The following ATP2B2 variants were observed in gnomAD, a reference collection of about 807,000 sequenced individuals.
ATP2B2 encodes the protein plasma membrane calcium-transporting ATPase 2.
In ATP2B2, 15 loss-of-function variants were observed where a neutral mutation model predicts 120.0. That is an observed-to-expected ratio of 0.12 (90% CI 0.08 to 0.19). The LOEUF is 0.19. ATP2B2 is among the 10% of genes least tolerant of loss of function. The pLI, the probability that ATP2B2 is intolerant of heterozygous loss-of-function variation, is 1.00. For missense variants in ATP2B2, 1,045 were observed against 1,719.8 expected (o/e 0.61, Z 6.94); for synonymous variants, 694 against 700.3 (o/e 0.99, Z 0.14).
chr3:10,464,305 G>C (rs1436632729), intron 1 of ATP2B2, among the ~76,000 whole-genome samples: 1 of 152,182 alleles, frequency 6.6e-6, no homozygotes, highest in Non-Finnish European at 1.5e-5. Context: ...AGCCATCTGC[G>C]CGGGGACAGA....
chr3:10,390,252 C>A (rs1404220356), intron 5 of ATP2B2, among the ~76,000 whole-genome samples: 4 of 152,050 alleles, frequency 2.6e-5, no homozygotes, highest in African/African-American at 9.7e-5. Flanking sequence ...CTGTTTTCAG[C>A]ATAACTTATC....
chr3:10,345,408 G>C lies in ATP2B2; in HGVS notation c.2679C>G (p.Ala893=). The C allele has an allele frequency of 6.2e-7, 1 of 1,614,200 alleles. No individual in the cohort carries two copies. Among genetic ancestry groups the C allele is most frequent in the South Asian group, 1.1e-5 (1 of 91,088 alleles). ...CCTGCGTGATGCAGGCGCCTGTGAA[G>C]GCCACAATCACGGCCACCACGTTGA... ...LTVNVVAVIV[A]FTGACITQDS... The change falls in exon 18 of 23, where the codon GCC becomes GCG. Residue 893 remains alanine, a synonymous_variant. Transcript: ENST00000360273.
rs1427516351 is a variant in ATP2B2 at position 10,325,222 on chromosome 3, CAG to C, written c.*3590_*3591del. ...CCAGAATTTGGGGGTGGGAATGGGACAGGGGGTGGAGGACTGGGCACAATTTA... is the reference window on the plus strand; with the variant it reads ...CCAGAATTTGGGGGTGGGAATGGGACGGGGTGGAGGACTGGGCACAATTTA... On this transcript the variant is annotated 3_prime_UTR_variant, in exon 23 of 23. Transcript: ENST00000360273. 6.6e-6 allele frequency: 1 copy of C among 150,940 alleles called. No homozygotes were observed. Among genetic ancestry groups the C allele is most frequent in the African/African-American group, 2.4e-5 (1 of 40,918 alleles). The allele number at this position is 150,940 out of a possible 1,614,324, so 9.4% of individuals were successfully genotyped here. A position where few individuals can be genotyped will look rare whatever the true frequency, so the allele number is the denominator to read the frequency against.
intron 2 of ATP2B2, among the ~76,000 whole-genome samples, chr3:10,606,149 T>C (rs2069059434): frequency 6.6e-6 from 1 of 151,546 alleles, no homozygotes; most frequent in Admixed American, 6.6e-5. Flanking sequence ...AAAAACAACC[T>C]AAGGACTCGG....
intron 1 of ATP2B2, among the ~76,000 whole-genome samples, chr3:10,658,076 T>A (rs6442189): frequency 6.6e-6 from 1 of 152,054 alleles, no homozygotes; most frequent in Non-Finnish European, 1.5e-5. Flanking sequence ...GAAAGGACAT[T>A]CACACCAAAA....
intron 1 of ATP2B2, among the ~76,000 whole-genome samples, chr3:10,654,645 T>G (rs1344859992): frequency 6.6e-6 from 1 of 152,000 alleles, no homozygotes. Context: ...ATTTATCCTG[T>G]GCAATCTAGT....
intron 21 of ATP2B2, among the ~76,000 whole-genome samples, chr3:10,339,404 G>A (rs1236867567): frequency 2.0e-5 from 3 of 152,148 alleles, no homozygotes; most frequent in Non-Finnish European, 4.4e-5. Context: ...CCACCCATGG[G>A]GTCCCACTGC....
chr3:10,377,859 A>C (rs1436035927), intron 10 of ATP2B2, among the ~76,000 whole-genome samples: 1 of 152,198 alleles, frequency 6.6e-6, no homozygotes, highest in East Asian at 1.9e-4. Flanking sequence ...GCCAAGTGCT[A>C]ATGCTTTGTA....
chr3:10,554,929 C>G (rs1289282339), intron 2 of ATP2B2, among the ~76,000 whole-genome samples: 2 of 152,214 alleles, frequency 1.3e-5, no homozygotes, highest in African/African-American at 4.8e-5. Flanking sequence ...GGAGTTGGAA[C>G]TTCTAGGCCC....
intron 1 of ATP2B2, among the ~76,000 whole-genome samples, chr3:10,632,789 G>C (rs1221876346): frequency 6.6e-6 from 1 of 152,236 alleles, no homozygotes; most frequent in Non-Finnish European, 1.5e-5. Flanking sequence ...GCAAGTCCTG[G>C]CTGTGTCCCC....
At chr3:10,694,211 CT>C (rs1424831970) in intron 1 of ATP2B2, among the ~76,000 whole-genome samples, 1 of 152,200 alleles carries the variant, frequency 6.6e-6, no homozygotes, top group Non-Finnish European at 1.5e-5. Flanking sequence ...GCATATGTAG[CT>C]CCATGCAATT....
At chr3:10,487,232 ATG>A (rs1007553894) in intron 1 of ATP2B2, among the ~76,000 whole-genome samples, 1 of 152,052 alleles carries the variant, frequency 6.6e-6, no homozygotes, top group Non-Finnish European at 1.5e-5. Flanking sequence ...CCCCACAAGC[ATG>A]TGTGTGCGCA....
At chr3:10,621,847 G>A (rs1381553171) in intron 1 of ATP2B2, among the ~76,000 whole-genome samples, 4 of 152,198 alleles carry the variant, frequency 2.6e-5, no homozygotes, top group Non-Finnish European at 5.9e-5. Context: ...AAGTAACCAC[G>A]TCAACATGAC....
intron 2 of ATP2B2, among the ~76,000 whole-genome samples, chr3:10,536,457 C>G (rs926562715): frequency 8.0e-5 from 12 of 150,174 alleles, no homozygotes; most frequent in African/African-American, 2.9e-4. Context: ...CTTTCTTCCT[C>G]TCCTTCCTCC....
rs1002996805 is a variant in ATP2B2, at chr3:10,681,656, T to C, written c.-460+26259A>G. Among the ~76,000 whole-genome samples the C allele has an allele frequency of 4.6e-5, 7 of 152,232 alleles. No individual in the cohort carries two copies. The East Asian group carries it at 1.3e-3, about 29-fold the overall frequency. ...AGCACTTACTACTTGGTAACAATGA[T>C]TGGTTATCTACTACATTCAGACTAT... On this transcript the variant is annotated intron_variant, in intron 1 of 21. Transcript: ENST00000646379.
chr3:10,371,209 T>A (rs1389593903), intron 12 of ATP2B2, among the ~76,000 whole-genome samples: 1 of 152,230 alleles, frequency 6.6e-6, no homozygotes, highest in Non-Finnish European at 1.5e-5. Context: ...CTCAAGAGAC[T>A]TGCACACTTC....
At chr3:10,484,548 C>G (rs2065556505) in intron 1 of ATP2B2, among the ~76,000 whole-genome samples, 1 of 152,130 alleles carries the variant, frequency 6.6e-6, no homozygotes, top group Non-Finnish European at 1.5e-5. Flanking sequence ...GTATGAGTTC[C>G]TCACGGCCTG....
At chr3:10,576,707 C>G (rs1222227885) in intron 2 of ATP2B2, among the ~76,000 whole-genome samples, 1 of 151,802 alleles carries the variant, frequency 6.6e-6, no homozygotes. Flanking sequence ...GGTCCAGAGT[C>G]CTTTTGAAGA....
At chr3:10,610,728 T>G (rs2069211164) in intron 2 of ATP2B2, among the ~76,000 whole-genome samples, 2 of 152,164 alleles carry the variant, frequency 1.3e-5, no homozygotes, top group African/African-American at 2.4e-5. Flanking sequence ...TTCCCCTCCC[T>G]TCATATCTCT....
Sources: gnomAD v4.1 joint callset for allele counts (sites outside exome capture counted in the v4.1 genomes callset) on GRCh38, gnomAD v4.1.1 for gene constraint, MANE v1.5 for transcripts, NCBI Gene and HGNC (gene_info 2026-07-23, HGNC 2026-07-21) for gene names.